Variants in WWOX observed in about 807,000 individuals in gnomAD.
WWOX encodes the protein WW domain-containing oxidoreductase.
WWOX carries 69 observed loss-of-function variants against 46.2 expected under a neutral mutation model. The ratio of observed to expected loss-of-function variants is 1.49; its 90% CI spans 1.23 to 1.82. The LOEUF (loss-of-function observed/expected upper bound fraction) is 1.82, where lower values mean the gene tolerates loss of function less well. Among genes scored for constraint, WWOX ranks in the 40% most tolerant of loss-of-function variants. The probability of loss-of-function intolerance (pLI) is 0.00; values close to 1 mark genes in which losing one functional copy is unlikely to be tolerated. For synonymous variants in WWOX, 359 were observed against 202.6 expected (o/e 1.77, Z -6.56); for missense variants, 919 against 542.6 (o/e 1.69, Z -6.89).
intron 5 of WWOX, among the ~76,000 whole-genome samples, chr16:78,309,473 C>T (rs1354836067): frequency 6.6e-6 from 1 of 152,120 alleles, no homozygotes; most frequent in Non-Finnish European, 1.5e-5. Context: ...CTTGGAAGCC[C>T]TCATCCCCAT....
intron 8 of WWOX, among the ~76,000 whole-genome samples, chr16:78,833,716 C>G (rs754071514): frequency 6.6e-6 from 1 of 152,242 alleles, no homozygotes; most frequent in Non-Finnish European, 1.5e-5. Context: ...GCTGTTACCT[C>G]AGCATCCTCT....
chr16:78,608,728 C>T (rs1230946974), intron 8 of WWOX, among the ~76,000 whole-genome samples: 1 of 152,184 alleles, frequency 6.6e-6, no homozygotes, highest in Non-Finnish European at 1.5e-5. Context: ...TTCCCAGCTG[C>T]TCATTTGGAG....
At chr16:78,187,079 C>G (rs1024227486) in intron 5 of WWOX, among the ~76,000 whole-genome samples, 1 of 152,174 alleles carries the variant, frequency 6.6e-6, no homozygotes, top group Non-Finnish European at 1.5e-5. Context: ...AGTCAGGATA[C>G]AGAACTGTCC....
At chr16:78,615,051 A>C (rs1406570300) in intron 8 of WWOX, among the ~76,000 whole-genome samples, 2 of 152,220 alleles carry the variant, frequency 1.3e-5, no homozygotes, top group African/African-American at 2.4e-5. Flanking sequence ...TTGTCAATTC[A>C]GAAATAGGGG....
At chr16:78,873,170 G>C (rs1358343789) in intron 8 of WWOX, 2 of 152,154 alleles carry the variant, frequency 1.3e-5, no homozygotes, top group Non-Finnish European at 2.9e-5. Flanking sequence ...TATTCAGTTT[G>C]TGAAAAATTT....
rs532218327 is a variant in WWOX, at chr16:78,330,416, C to T, written c.517-56444C>T. On this transcript the variant is annotated intron_variant, in intron 5 of 8. Coordinates refer to ENST00000566780, the MANE Select transcript of WWOX (RefSeq NM_016373.4). ...AGTGATAATTTTTTTTTTTTTTCCC[C>T]TGAGAAAGTCTTGCTCTGTTGCCAG... 3.7e-4 allele frequency among the ~76,000 whole-genome samples: 55 copies of T among 149,908 alleles called. 1 individual carries two copies. The East Asian group carries it at 0.011, about 29-fold the overall frequency.
At chr16:78,277,256 A>G (rs562696160) in intron 5 of WWOX, among the ~76,000 whole-genome samples, 6 of 152,306 alleles carry the variant, frequency 3.9e-5, no homozygotes, top group Middle Eastern at 3.4e-3. Flanking sequence ...TTCTTGTTGA[A>G]TAGCCGTGTT....
chr16:79,112,604 CG>C (rs2049438443), intron 8 of WWOX, among the ~76,000 whole-genome samples: 1 of 152,160 alleles, frequency 6.6e-6, no homozygotes, highest in Non-Finnish European at 1.5e-5. Flanking sequence ...CTTTTCATCT[CG>C]GTTTTATTTC....
At chr16:78,995,270 G>A (rs951050771) in intron 8 of WWOX, among the ~76,000 whole-genome samples, 2 of 152,070 alleles carry the variant, frequency 1.3e-5, no homozygotes, top group African/African-American at 4.8e-5. Flanking sequence ...CAGGAAAGGT[G>A]AACAGAGGCA....
chr16:78,943,463 A>T (rs1347681751), intron 8 of WWOX, among the ~76,000 whole-genome samples: 1 of 151,546 alleles, frequency 6.6e-6, no homozygotes, highest in African/African-American at 2.4e-5. Context: ...GGGAGGACCC[A>T]GGCACATAAA....
At chr16:78,360,383 C>G (rs879862383) in intron 5 of WWOX, among the ~76,000 whole-genome samples, 3 of 151,960 alleles carry the variant, frequency 2.0e-5, no homozygotes, top group Admixed American at 1.3e-4. Context: ...GCCAGGAGTT[C>G]AAGACCAGCC....
chr16:78,721,463 T>C (rs371121184), intron 8 of WWOX, among the ~76,000 whole-genome samples: 2 of 152,206 alleles, frequency 1.3e-5, no homozygotes, highest in African/African-American at 4.8e-5. Flanking sequence ...AAGTGTTCTC[T>C]AAAGTGTTCA....
At chr16:78,281,643 A>G (rs1317576704) in intron 5 of WWOX, among the ~76,000 whole-genome samples, 1 of 152,192 alleles carries the variant, frequency 6.6e-6, no homozygotes, top group African/African-American at 2.4e-5. Flanking sequence ...AGGAGCAGGC[A>G]TGGCTGCGAG....
chr16:78,188,767 T>A (rs1018140561), intron 5 of WWOX, among the ~76,000 whole-genome samples: 2 of 152,130 alleles, frequency 1.3e-5, no homozygotes, highest in African/African-American at 4.8e-5. Flanking sequence ...TCATGGCTAC[T>A]GGGGAGAAAT....
chr16:78,940,992 A>T (rs896445214), intron 8 of WWOX, among the ~76,000 whole-genome samples: 1 of 150,628 alleles, frequency 6.6e-6, no homozygotes, highest in Non-Finnish European at 1.5e-5. Context: ...TGGAACCTGC[A>T]TGGTGTTGGG....
intron 5 of WWOX, among the ~76,000 whole-genome samples, chr16:78,332,856 C>T (rs147940956): frequency 6.6e-6 from 1 of 152,014 alleles, no homozygotes; most frequent in Non-Finnish European, 1.5e-5. Context: ...TTTAAAATTG[C>T]TTCATGTCGC....
chr16:78,989,856 GAT>G (rs1378741063), intron 8 of WWOX, among the ~76,000 whole-genome samples: 17 of 149,722 alleles, frequency 1.1e-4, no homozygotes, highest in South Asian at 2.1e-4. Context: ...GTGTGTGTGT[GAT>G]TGAGAGAGAG....
intron 8 of WWOX, among the ~76,000 whole-genome samples, chr16:78,817,911 C>T (rs542663932): frequency 6.6e-6 from 1 of 152,296 alleles, no homozygotes; most frequent in African/African-American, 2.4e-5. Flanking sequence ...TTGGGCTTTC[C>T]AGGAAGGAGA....
intron 8 of WWOX, among the ~76,000 whole-genome samples, chr16:78,990,782 G>A (rs892313303): frequency 1.3e-5 from 2 of 152,216 alleles, no homozygotes; most frequent in South Asian, 4.1e-4. Context: ...AGACCTGCCA[G>A]GATCCCTCTG....
Sources: gnomAD v4.1 joint callset for allele counts (sites outside exome capture counted in the v4.1 genomes callset) on GRCh38, gnomAD v4.1.1 for gene constraint, MANE v1.5 for transcripts, NCBI Gene and HGNC (gene_info 2026-07-23, HGNC 2026-07-21) for gene names.